Variants in PRSS56 observed in about 807,000 individuals in gnomAD.
The protein encoded by PRSS56 is serine protease 56, also known as protease, serine 56.
PRSS56 carries 55 observed loss-of-function variants against 66.8 expected under a neutral mutation model. The ratio of observed to expected loss-of-function variants is 0.82; its 90% CI spans 0.66 to 1.03. The LOEUF (loss-of-function observed/expected upper bound fraction) is 1.03, where lower values mean the gene tolerates loss of function less well. Ranked by LOEUF, PRSS56 falls within the 50% of genes least tolerant of loss-of-function variation. PRSS56 has a pLI of 0.00. For synonymous variants in PRSS56, 409 were observed against 387.9 expected (o/e 1.05, Z -0.64); for missense variants, 869 against 837.2 (o/e 1.04, Z -0.47).
chr2:232,524,158 A>C lies in PRSS56; in HGVS notation c.1306A>C (p.Arg436=), dbSNP rs1430496329. The part of the protein sequence containing the change: ...PALALPAPAL[R]ESPLHPAREL... ...CCTGGCTCTCCCCGCTCCAGCGCTC[A>C]GGGAGTCTCCTCTGCACCCCGCCCG... Residue 436 remains arginine (R), a synonymous_variant, in exon 10 of 13, where the codon AGG becomes CGG. Coordinates refer to ENST00000617714, the MANE Select transcript of PRSS56 (RefSeq NM_001195129.2). The C allele has an allele frequency of 8.6e-6, 13 of 1,520,192 alleles. No homozygotes were observed. Among genetic ancestry groups the C allele is most frequent in the African/African-American group, 1.4e-5 (1 of 71,506 alleles). 94.2% of individuals were successfully genotyped at this position (1,520,192 alleles called of 1,614,324 possible). A position where few individuals can be genotyped will look rare whatever the true frequency, so the allele number is the denominator to read the frequency against.
chr2:232,524,606 A>C (rs905773177), intron 11 of PRSS56, 132 bp from the exon 12 acceptor site: 23 of 741,726 alleles, frequency 3.1e-5, no homozygotes, highest in Non-Finnish European at 4.3e-6. Context: ...TCCGAGCCTC[A>C]GTTTCCCCAC....
intron 12 of PRSS56, 141 bp from the exon 13 acceptor site, chr2:232,525,075 G>C (rs1691393115): frequency 3.4e-6 from 3 of 875,360 alleles, no homozygotes; most frequent in Non-Finnish European, 3.4e-6. Flanking sequence ...GTGGGTGGGA[G>C]TGTCCACATG....
Position 232,520,575 on chromosome 2 carries a change from C to A in PRSS56, c.-24C>A. The A allele has an allele frequency of 6.6e-7, 1 of 1,522,714 alleles. No homozygotes were observed. The highest frequency in any genetic ancestry group is 8.8e-7 in the Non-Finnish European group (1 of 1,134,674). 94.3% of individuals were successfully genotyped at this position (1,522,714 alleles called of 1,614,324 possible). A position where few individuals can be genotyped will look rare whatever the true frequency, so the allele number is the denominator to read the frequency against. ...TCCGAGGAGGAGAGAGGACAGGGGT[C>A]TCTCACCCCAGCTCCTGGTCACCAT... is the stretch of plus-strand genomic sequence containing the variant. On this transcript the variant is annotated 5_prime_UTR_variant, in exon 1 of 13. Coordinates refer to ENST00000617714, the MANE Select transcript of PRSS56 (RefSeq NM_001195129.2).
chr2:232,524,720 C>T lies in PRSS56; in HGVS notation c.1415-18C>T. 1 of 1,496,056 alleles carries T rather than the reference C, an allele frequency of 6.7e-7. No individual in the cohort carries two copies. Among genetic ancestry groups the T allele is most frequent in the Non-Finnish European group, 9.0e-7 (1 of 1,116,820 alleles). 92.7% of individuals were successfully genotyped at this position (1,496,056 alleles called of 1,614,324 possible). A position where few individuals can be genotyped will look rare whatever the true frequency, so the allele number is the denominator to read the frequency against. On this transcript the variant is annotated intron_variant, in intron 11 of 12. Coordinates refer to ENST00000617714, the MANE Select transcript of PRSS56 (RefSeq NM_001195129.2). ...CCGCAACCGTTCATTATTCCCGGGGCCTCTCCTCTTCCTCCAGGCTGCCCT... is the reference window on the plus strand; with the variant it reads ...CCGCAACCGTTCATTATTCCCGGGGTCTCTCCTCTTCCTCCAGGCTGCCCT...
intron 11 of PRSS56, 51 bp downstream of exon 11, chr2:232,524,420 A>G (rs1462677273): frequency 6.6e-7 from 1 of 1,509,900 alleles, no homozygotes; most frequent in Admixed American, 2.0e-5. Flanking sequence ...GAGGGCCTGG[A>G]CGAGGTCGGA....
chr2:232,522,872 T>C lies in PRSS56; in HGVS notation c.706+11T>C, dbSNP rs1050323544. 2 of 1,449,102 alleles carry C rather than the reference T, an allele frequency of 1.4e-6. No homozygotes were observed. Among genetic ancestry groups the C allele is most frequent in the African/African-American group, 2.9e-5 (2 of 69,608 alleles). The allele number at this position is 1,449,102 out of a possible 1,614,324, so 89.8% of individuals were successfully genotyped here. On this transcript the variant is annotated intron_variant, in intron 6 of 12. Transcript: ENST00000617714. Reference sequence around the variant, plus strand: ...GCGCCCTCTTCGAAGGTACTGGGCGTGGGTGAGCCGGCGCGTGGTGGGAAG... The same window carrying C: ...GCGCCCTCTTCGAAGGTACTGGGCGCGGGTGAGCCGGCGCGTGGTGGGAAG...
Position 232,525,328 on chromosome 2 carries a change from C to A in PRSS56, c.1634C>A (p.Ala545Asp), listed in dbSNP as rs1178189320. The change falls in exon 13 of 13, where the codon GCC becomes GAC. Residue 545 changes from alanine to aspartate, a missense_variant. Coordinates refer to ENST00000617714, the MANE Select transcript of PRSS56 (RefSeq NM_001195129.2). ...AGCGGCCTGGTGGGCCTGGAGCCGG[C>A]CACACTGGCTCGCAGCCTCCCCCGG... Reference protein sequence around the residue: ...AFSGLVGLEPATLARSLPRLL... With the variant: ...AFSGLVGLEPDTLARSLPRLL... 1 of 1,527,812 alleles carries A rather than the reference C, an allele frequency of 6.5e-7. No individual in the cohort carries two copies. The highest frequency in any genetic ancestry group is 8.8e-7 in the Non-Finnish European group (1 of 1,141,252). The allele number at this position is 1,527,812 out of a possible 1,614,324, so 94.6% of individuals were successfully genotyped here. A position where few individuals can be genotyped will look rare whatever the true frequency, so the allele number is the denominator to read the frequency against.
Position 232,525,660 on chromosome 2 carries a change from G to T in PRSS56, c.*154G>T. 1 of 571,276 alleles carries T rather than the reference G, an allele frequency of 1.8e-6. No individual in the cohort carries two copies. The allele number at this position is 571,276 out of a possible 1,614,324, so 35.4% of individuals were successfully genotyped here. A position where few individuals can be genotyped will look rare whatever the true frequency, so the allele number is the denominator to read the frequency against. On this transcript the variant is annotated 3_prime_UTR_variant, in exon 13 of 13. Coordinates refer to ENST00000617714, the MANE Select transcript of PRSS56 (RefSeq NM_001195129.2). ...TCCTGGGCCCCCCGTGTCTTCCCAG[G>T]TTTACAATCAGAGAATCACAGCTGC...
At chr2:232,523,376 G>A in intron 7 of PRSS56, 40 bp from the exon 8 acceptor site, 1 of 1,428,704 alleles carries the variant, frequency 7.0e-7, no homozygotes, top group Non-Finnish European at 9.1e-7. Flanking sequence ...GGCGTCATAG[G>A]GGGCAGGTGA....
In PRSS56 at chr2:232,523,593, TC is replaced by T. The variant is rs1210149992; in HGVS notation, c.1012+17del. 2 of 1,514,098 alleles carry T rather than the reference TC, an allele frequency of 1.3e-6. No individual in the cohort carries two copies. Among genetic ancestry groups the T allele is most frequent in the African/African-American group, 2.8e-5 (2 of 72,558 alleles). The allele number at this position is 1,514,098 out of a possible 1,614,324, so 93.8% of individuals were successfully genotyped here. A position where few individuals can be genotyped will look rare whatever the true frequency, so the allele number is the denominator to read the frequency against. On this transcript the variant is annotated intron_variant, in intron 8 of 12. Transcript: ENST00000617714. ...GCAGATGAGCGGTGAGCGCCCTCTT[TC>T]CAATGCCCCGTCCCCAGTGCCCCAA...
In PRSS56 at chr2:232,525,307, G is replaced by C; in HGVS notation, c.1613G>C (p.Gly538Ala). The change falls in exon 13 of 13, where the codon GGC becomes GCC. Residue 538 changes from glycine to alanine, a missense_variant. This residue lies in a region of PRSS56 where 551 missense variants were observed against 506.9 expected (regional missense o/e 1.09). Transcript: ENST00000617714. ...GLGGRHVAFS[G>A]LVGLEPATLA... ...GGGGGCCGGCATGTGGCCTTCAGCGGCCTGGTGGGCCTGGAGCCGGCCACA... is the reference window on the plus strand; with the variant it reads ...GGGGGCCGGCATGTGGCCTTCAGCGCCCTGGTGGGCCTGGAGCCGGCCACA... 6.6e-7 allele frequency: 1 copy of C among 1,523,790 alleles called. No individual in the cohort carries two copies. 94.4% of individuals were successfully genotyped at this position (1,523,790 alleles called of 1,614,324 possible). A position where few individuals can be genotyped will look rare whatever the true frequency, so the allele number is the denominator to read the frequency against.
intron 10 of PRSS56, 34 bp from the exon 11 acceptor site, chr2:232,524,273 G>A (rs1274363576): frequency 4.6e-6 from 7 of 1,535,424 alleles, no homozygotes; most frequent in Non-Finnish European, 4.4e-6. Context: ...CACTTTCTCC[G>A]CCGAGGCGGT....
In PRSS56 at chr2:232,523,479, G is replaced by T; in HGVS notation, c.913G>T (p.Gly305Ter). ...CCCCCGCCCTAGAGAGGTCCTGTTC[G>T]GAGTCACCTCCTGGGGGGACGGCTG... ...PGPRPREVLF[G>*]VTSWGDGCGE... is the part of the protein sequence containing the mutation. The change falls in exon 8 of 13, where the codon GGA (glycine) becomes TGA (stop). Residue 305 changes from glycine (G) to a stop codon, truncating the protein, a stop_gained. Transcript: ENST00000617714. LOFTEE classifies it high-confidence loss of function. 6.6e-7 allele frequency: 1 copy of T among 1,526,122 alleles called. No individual in the cohort carries two copies. Among genetic ancestry groups the T allele is most frequent in the Non-Finnish European group, 8.8e-7 (1 of 1,142,076 alleles). 94.5% of individuals were successfully genotyped at this position (1,526,122 alleles called of 1,614,324 possible).
chr2:232,524,384 T>C lies in PRSS56; in HGVS notation c.1414+15T>C, dbSNP rs1286357777. ...AGAAGCCAACGGTAATGACGCCCCC[T>C]GCCGACCTTCAGGAGGGGATAGGCT... On this transcript the variant is annotated intron_variant, in intron 11 of 12. Coordinates refer to ENST00000617714, the MANE Select transcript of PRSS56 (RefSeq NM_001195129.2). The C allele has an allele frequency of 6.5e-7, 1 of 1,533,878 alleles. No homozygotes were observed. Among genetic ancestry groups the C allele is most frequent in the African/African-American group, 1.4e-5 (1 of 72,980 alleles).
chr2:232,523,236 G>A (rs1477349762), intron 7 of PRSS56, 34 bp downstream of exon 7: 3 of 1,427,944 alleles, frequency 2.1e-6, no homozygotes, highest in Non-Finnish European at 2.7e-6. Context: ...AAGGCCGGCT[G>A]AGCCTTCCCA....
chr2:232,524,875 G>A lies in PRSS56; in HGVS notation c.1521+31G>A, dbSNP rs766069399. The A allele has an allele frequency of 3.5e-4, 512 of 1,470,806 alleles. 1 individual carries two copies. Among genetic ancestry groups the A allele is most frequent in the Non-Finnish European group, 4.3e-4 (469 of 1,088,222 alleles). The allele number at this position is 1,470,806 out of a possible 1,614,324, so 91.1% of individuals were successfully genotyped here. A position where few individuals can be genotyped will look rare whatever the true frequency, so the allele number is the denominator to read the frequency against. On this transcript the variant is annotated intron_variant, in intron 12 of 12. Transcript: ENST00000617714. ...TCCCCAGGCTTCCAGACTCCTTCAC[G>A]ATGGCCTGGGAAGGCTGAGACCCAG... is the stretch of plus-strand genomic sequence containing the variant.
chr2:232,521,270 G>A, intron 1 of PRSS56, 51 bp from the exon 2 acceptor site: 1 of 1,408,634 alleles, frequency 7.1e-7, no homozygotes, highest in Non-Finnish European at 9.7e-7. Context: ...GGAGGATGAG[G>A]CTGAGGCTCT....
At position 232,520,585 on chromosome 2, in the gene PRSS56, A is replaced by T. The variant is rs1329690656; in HGVS notation, c.-14A>T. 1.2e-5 allele frequency: 19 copies of T among 1,535,070 alleles called. No homozygotes were observed. Among genetic ancestry groups the T allele is most frequent in the Non-Finnish European group, 1.7e-5 (19 of 1,146,070 alleles). On this transcript the variant is annotated 5_prime_UTR_variant, in exon 1 of 13. Coordinates refer to ENST00000617714, the MANE Select transcript of PRSS56 (RefSeq NM_001195129.2). ...AGAGAGGACAGGGGTCTCTCACCCCAGCTCCTGGTCACCATGCTGCTGGCT... is the reference window on the plus strand; with the variant it reads ...AGAGAGGACAGGGGTCTCTCACCCCTGCTCCTGGTCACCATGCTGCTGGCT...
At position 232,521,986 on chromosome 2, in the gene PRSS56, G is replaced by A. The variant is rs1691287585; in HGVS notation, c.272G>A (p.Arg91Lys). ...CCCTTTCTAGGGCCGTGCGGCGAGA[G>A]GCGTCCGAGCACTGCCAATGTGACG... ...DPPEPGPCGE[R>K]RPSTANVTRA... Residue 91 changes from arginine (R) to lysine (K), a missense_variant, in exon 4 of 13, where the codon AGG becomes AAG. Physicochemically the swap from Arg to Lys is conservative, Grantham distance 26 (BLOSUM62 2). Around this residue, in one of 3 missense-constraint regions of PRSS56, gnomAD observed 315 missense variants for 313.7 expected, o/e 1.00. Coordinates refer to ENST00000617714, the MANE Select transcript of PRSS56 (RefSeq NM_001195129.2). 6.8e-7 allele frequency: 1 copy of A among 1,463,210 alleles called. No homozygotes were observed. The highest frequency in any genetic ancestry group is 9.0e-7 in the Non-Finnish European group (1 of 1,110,638). 90.6% of individuals were successfully genotyped at this position (1,463,210 alleles called of 1,614,324 possible).
Sources: gnomAD v4.1 joint callset for allele counts on GRCh38, gnomAD v4.1.1 for gene constraint, gnomAD v4.1.1 regional missense constraint, MANE v1.5 for transcripts, NCBI Gene and HGNC (gene_info 2026-07-23, HGNC 2026-07-21) for gene names.